GRIP1: variants seen among roughly 807,000 people sequenced by gnomAD.
GRIP1 encodes glutamate receptor interacting protein 1, also known as glutamate receptor-interacting protein 1.
A neutral mutation model predicts 129.9 loss-of-function variants in GRIP1; 45 were observed. The ratio of observed to expected loss-of-function variants is 0.35; its 90% CI spans 0.27 to 0.44. The LOEUF (loss-of-function observed/expected upper bound fraction) is 0.44, where lower values mean the gene tolerates loss of function less well. GRIP1 is among the 20% of genes least tolerant of loss of function. GRIP1 has a pLI of 1.00. For synonymous variants in GRIP1, 530 were observed against 520.8 expected, an observed-to-expected ratio of 1.02 and a Z score of -0.24; for missense variants, 1,196 against 1,396.8, an observed-to-expected ratio of 0.86 and a Z score of 2.29.
chr12:66,767,073 ATT>A, intron 1 of GRIP1, among the ~76,000 whole-genome samples: 1 of 152,028 alleles, frequency 6.6e-6, no homozygotes, highest in South Asian at 2.1e-4. Context: ...ATCTGAAATG[ATT>A]TTTTTTGTCA....
chr12:66,629,632 G>A (rs1289144535), intron 1 of GRIP1, among the ~76,000 whole-genome samples: 1 of 152,196 alleles, frequency 6.6e-6, no homozygotes, highest in Non-Finnish European at 1.5e-5. Context: ...AAAGAACGTG[G>A]TTAATTATTA....
At chr12:66,516,488 T>C (rs552220530) in intron 6 of GRIP1, among the ~76,000 whole-genome samples, 34 of 152,246 alleles carry the variant, frequency 2.2e-4, no homozygotes, top group African/African-American at 8.2e-4. Context: ...AGAATAATAA[T>C]GACCTTTGAA....
At chr12:66,406,501 A>G in intron 15 of GRIP1, 73 bp from the exon 16 acceptor site, 1 of 1,357,890 alleles carries the variant, frequency 7.4e-7, no homozygotes, top group Non-Finnish European at 1.1e-6. Context: ...GGCATTAAGC[A>G]TAATGCAGCA....
chr12:66,688,125 T>C lies in GRIP1; in HGVS notation c.-419-57789A>G, dbSNP rs573844040. Among the ~76,000 whole-genome samples the C allele has an allele frequency of 3.3e-5, 5 of 152,294 alleles. No individual in the cohort carries two copies. The East Asian group carries it at 7.7e-4, about 24-fold the overall frequency. On this transcript the variant is annotated intron_variant, in intron 1 of 4. Coordinates refer to the GRIP1 transcript ENST00000538373. ...GATTCATCCATTTCTAAATCCCTAA[T>C]ACACCGGACTTAGTTACTTCGGTCA...
At position 66,562,279 on chromosome 12, in the gene GRIP1, C is replaced by A. The variant is rs117944072; in HGVS notation, c.137-20329G>T. 2.6e-5 allele frequency among the ~76,000 whole-genome samples: 4 copies of A among 152,250 alleles called. No individual in the cohort carries two copies. In the East Asian group the frequency reaches 7.7e-4, roughly 29 times the overall value. ...TGCTCCTACAACTTTTCCACATTCA[C>A]CCTCTGAACCAGTGTCACTGATGTC... On this transcript the variant is annotated intron_variant, in intron 2 of 24. Transcript: ENST00000359742.
intron 11 of GRIP1, among the ~76,000 whole-genome samples, chr12:66,449,909 CATTTGAGATCACA>C (rs2058730980): frequency 6.6e-6 from 1 of 151,448 alleles, no homozygotes; most frequent in African/African-American, 2.4e-5. Context: ...TTTTTTTTTC[CATTTGAGATCACA>C]ATTTGATACA....
chr12:66,919,520 G>C (rs557397913), intron 1 of GRIP1, among the ~76,000 whole-genome samples: 1 of 152,090 alleles, frequency 6.6e-6, no homozygotes, highest in Non-Finnish European at 1.5e-5. Flanking sequence ...TAGACTACAC[G>C]GGGACTGGTT....
chr12:66,464,118 A>G (rs1472982243), intron 8 of GRIP1, among the ~76,000 whole-genome samples: 1 of 152,200 alleles, frequency 6.6e-6, no homozygotes, highest in Non-Finnish European at 1.5e-5. Flanking sequence ...CTGGTCATTC[A>G]GGTGCAGTAT....
At chr12:66,434,423 G>A (rs936725212) in intron 13 of GRIP1, among the ~76,000 whole-genome samples, 5 of 152,182 alleles carry the variant, frequency 3.3e-5, no homozygotes, top group Admixed American at 3.3e-4. Flanking sequence ...ACTCTCATGG[G>A]CCAGGAAGTG....
intron 7 of GRIP1, among the ~76,000 whole-genome samples, chr12:66,510,809 G>T (rs1314489413): frequency 3.3e-5 from 5 of 152,028 alleles, no homozygotes; most frequent in Non-Finnish European, 7.4e-5. Flanking sequence ...GAAATAATTT[G>T]TGTACTTGTA....
chr12:66,834,177 C>CAA (rs60054128), intron 1 of GRIP1, among the ~76,000 whole-genome samples: 18,974 of 94,340 alleles, frequency 0.2, 2,090 homozygotes, highest in Admixed American at 0.24. Context: ...GACTTCATCT[C>CAA]AAAAAAAAAA....
At chr12:66,856,625 C>T (rs1031070148) in intron 1 of GRIP1, among the ~76,000 whole-genome samples, 2 of 151,658 alleles carry the variant, frequency 1.3e-5, no homozygotes, top group African/African-American at 4.8e-5. Context: ...TGAAAAAATG[C>T]TCATCATCAC....
chr12:66,364,265 C>CAAAAAAAAAAAAAAAAAAAAAAAAAAA (rs1159887365), intron 23 of GRIP1, among the ~76,000 whole-genome samples: 2 of 16,346 alleles, frequency 1.2e-4, no homozygotes, highest in African/African-American at 2.4e-4. Context: ...GACTCCATCT[C>CAAAAAAAAAAAAAAAAAAAAAAAAAAA]AAAAAAAAAA....
chr12:66,387,262 G>A (rs1396624598), intron 19 of GRIP1, among the ~76,000 whole-genome samples: 1 of 152,340 alleles, frequency 6.6e-6, no homozygotes, highest in East Asian at 1.9e-4. Context: ...TCAAGGTAAA[G>A]TCAGGGAAAG....
In GRIP1 at chr12:66,401,609, T is replaced by TATATATAC. The variant is rs1169241331; in HGVS notation, c.1984+4673_1984+4674insGTATATAT. Among the ~76,000 whole-genome samples the TATATATAC allele has an allele frequency of 6.1e-4, 67 of 110,186 alleles. 1 individual carries two copies. Among genetic ancestry groups the TATATATAC allele is most frequent in the African/African-American group, 2.3e-3 (63 of 26,812 alleles). The allele number at this position is 110,186 out of a possible 152,430, so 72.3% of individuals were successfully genotyped here. On this transcript the variant is annotated intron_variant, in intron 16 of 24. Transcript: ENST00000359742. ...AAAAAAATATGTGTGTATATATATA[T>TATATATAC]ACACACACACACACACACACACACA...
At chr12:66,740,463 T>A (rs1290135217) in intron 1 of GRIP1, among the ~76,000 whole-genome samples, 3 of 152,186 alleles carry the variant, frequency 2.0e-5, no homozygotes, top group African/African-American at 7.2e-5. Context: ...ATCTGAACTG[T>A]GGCCAGAAAT....
intron 1 of GRIP1, among the ~76,000 whole-genome samples, chr12:66,859,277 AAAAAAACAAAAAAACAAAAAAAC>A: frequency 1.5e-4 from 1 of 6,768 alleles, no homozygotes; most frequent in Non-Finnish European, 3.7e-3. Flanking sequence ...ACAAAAAAAC[AAAAAAACAAAAAAACAAAAAAAC>A]AAAAAAAAAC....
chr12:66,661,459 CAAAAA>C (rs576128556), intron 1 of GRIP1, among the ~76,000 whole-genome samples: 1 of 43,218 alleles, frequency 2.3e-5, no homozygotes, highest in Non-Finnish European at 5.5e-5. Context: ...TAGATTTTGG[CAAAAA>C]AAAAAAAAAG....
At chr12:66,608,127 A>C (rs181001499) in intron 1 of GRIP1, among the ~76,000 whole-genome samples, 1 of 152,308 alleles carries the variant, frequency 6.6e-6, no homozygotes, top group Admixed American at 6.5e-5. Flanking sequence ...TCATTGCTGG[A>C]TCAGGCAATA....
Sources: allele counts gnomAD v4.1 joint callset (sites outside exome capture counted in the v4.1 genomes callset), GRCh38; gene constraint gnomAD v4.1.1; transcripts MANE v1.5; gene names NCBI Gene and HGNC (gene_info 2026-07-23, HGNC 2026-07-21).